ACOT8: variants seen among roughly 807,000 people sequenced by gnomAD.
ACOT8 encodes the protein acyl-coenzyme A thioesterase 8.
In ACOT8, 31 loss-of-function variants were observed where a neutral mutation model predicts 38.4. The ratio of observed to expected loss-of-function variants is 0.81; its 90% confidence interval spans 0.61 to 1.09. The LOEUF (loss-of-function observed/expected upper bound fraction) is 1.09, where lower values mean the gene tolerates loss of function less well. Ranked by LOEUF, ACOT8 falls within the 50% of genes least tolerant of loss-of-function variation. The probability of loss-of-function intolerance (pLI) is 0.00; values close to 1 mark genes in which losing one functional copy is unlikely to be tolerated. For missense variants in ACOT8, 373 were observed against 421.8 expected (o/e 0.88, Z 1.01); for synonymous variants, 158 against 170.3 (o/e 0.93, Z 0.56).
chr20:45,847,659 G>A (rs1421794911), intron 3 of ACOT8: 1 of 150,876 alleles, frequency 6.6e-6, no homozygotes, highest in Non-Finnish European at 1.5e-5. Flanking sequence ...GAGTCTGGGA[G>A]TCAGAGGCTG....
chr20:45,855,432 T>C, intron 1 of ACOT8, 140 bp from the exon 2 acceptor site: 1 of 1,221,338 alleles, frequency 8.2e-7, no homozygotes, highest in Non-Finnish European at 1.1e-6. Flanking sequence ...CCATAGGTCC[T>C]TTCCCCAGGC....
At chr20:45,846,110 G>A (rs1984669171) in intron 3 of ACOT8, among the ~76,000 whole-genome samples, 1 of 152,178 alleles carries the variant, frequency 6.6e-6, no homozygotes, top group Admixed American at 6.5e-5. Flanking sequence ...AAAGTACTGG[G>A]ATTACAGGCA....
Position 45,857,197 on chromosome 20 carries a change from T to A in ACOT8, c.119A>T (p.Asp40Val), listed in dbSNP as rs778168893. The A allele has an allele frequency of 1.2e-6, 2 of 1,613,112 alleles. No homozygotes were observed. Among genetic ancestry groups the A allele is most frequent in the Non-Finnish European group, 1.7e-6 (2 of 1,179,516 alleles). ...TVLNLEPLDE[D>V]LFRGRHYWVP... ...AGGAGCTGCCGGCTACCTGAAGAGATCCTCGTCCAGCGGCTCGAGGTTGAG... is the reference window on the plus strand; with the variant it reads ...AGGAGCTGCCGGCTACCTGAAGAGAACCTCGTCCAGCGGCTCGAGGTTGAG... The change falls in exon 1 of 6, where the codon GAT (aspartate) becomes GTT (valine). Residue 40 changes from aspartate to valine, a missense_variant. By Grantham distance (152) the Asp-to-Val change is radical. Transcript: ENST00000217455.
At chr20:45,852,346 G>T (rs1460197874) in intron 2 of ACOT8, among the ~76,000 whole-genome samples, 1 of 133,070 alleles carries the variant, frequency 7.5e-6, no homozygotes, top group African/African-American at 3.2e-5. Context: ...TTTTGTGTGT[G>T]TTTTTTTTTT....
intron 3 of ACOT8, chr20:45,847,824 TG>T (rs1013876784): frequency 1.3e-5 from 2 of 151,278 alleles, no homozygotes; most frequent in African/African-American, 4.9e-5. Context: ...TTGCCCAGGC[TG>T]GAGCACAGTA....
At chr20:45,856,255 T>A (rs761000769) in intron 1 of ACOT8, among the ~76,000 whole-genome samples, 2 of 149,044 alleles carry the variant, frequency 1.3e-5, no homozygotes, top group Non-Finnish European at 3.0e-5. Context: ...CAGGGCCAGA[T>A]CTTGTCTTCA....
At chr20:45,856,851 G>A (rs570791017) in intron 1 of ACOT8, among the ~76,000 whole-genome samples, 3 of 152,344 alleles carry the variant, frequency 2.0e-5, no homozygotes, top group African/African-American at 7.2e-5. Flanking sequence ...CTGCGGCGTC[G>A]GTTTTAAGGC....
At position 45,855,304 on chromosome 20, in the gene ACOT8, G is replaced by C. The variant is rs974464688; in HGVS notation, c.129-12C>G. The C allele has an allele frequency of 6.2e-7, 1 of 1,613,502 alleles. No homozygotes were observed. The highest frequency in any genetic ancestry group is 8.5e-7 in the Non-Finnish European group (1 of 1,179,832). On this transcript the variant is annotated splice_polypyrimidine_tract_variant and intron_variant, in intron 1 of 5. Transcript: ENST00000217455. ...AGTAATGCCTTCCTCTGTAGGGAGA[G>C]GGGGAAAGAGGGAAAGACTTGGGAA...
chr20:45,848,516 G>C lies in ACOT8; in HGVS notation c.422C>G (p.Ser141Cys). 6.2e-7 allele frequency: 1 copy of C among 1,613,856 alleles called. No individual in the cohort carries two copies. The highest frequency in any genetic ancestry group is 8.5e-7 in the Non-Finnish European group (1 of 1,179,868). Reference protein sequence around the residue: ...AQPSPMQHQFSMPTVPPPEEL... With the variant: ...AQPSPMQHQFCMPTVPPPEEL... ...TTCTGGTGGTGGCACAGTGGGCATG[G>C]AGAACTGGTGCTGCATGGGGCTGGG... Residue 141 changes from serine to cysteine, a missense_variant, in exon 3 of 6, where the codon TCC (serine) becomes TGC (cysteine). Ser to Cys is a moderately radical substitution (Grantham distance 112). Transcript: ENST00000217455.
At position 45,848,654 on chromosome 20, in the gene ACOT8, A is replaced by G. The variant is rs1568737705; in HGVS notation, c.284T>C (p.Leu95Pro). The change falls in exon 3 of 6, where the codon CTG (leucine) becomes CCG (proline). Residue 95 changes from leucine (L) to proline (P), a missense_variant. Physicochemically the swap from Leu to Pro is moderately conservative, Grantham distance 98 (BLOSUM62 -3). Transcript: ENST00000217455. The stretch of plus-strand genomic sequence containing the variant: ...TGTTCGTGTCCGCTCCACTTGGTAC[A>G]GTACTGGCAGCTTCGGGTCCCCTGC... ...VRAGDPKLPV[L>P]YQVERTRTGS... 7 of 1,609,530 alleles carry G rather than the reference A, an allele frequency of 4.3e-6. No homozygotes were observed. Among genetic ancestry groups the G allele is most frequent in the Non-Finnish European group, 5.1e-6 (6 of 1,177,420 alleles).
chr20:45,855,327 G>C (rs1032383885), intron 1 of ACOT8, 35 bp from the exon 2 acceptor site: 9 of 1,611,952 alleles, frequency 5.6e-6, no homozygotes, highest in Non-Finnish European at 6.8e-6. Context: ...AAAGACTTGG[G>C]AACTGGGCCA....
chr20:45,844,178 G>A, intron 4 of ACOT8, 85 bp downstream of exon 4: 3 of 1,569,920 alleles, frequency 1.9e-6, no homozygotes, highest in South Asian at 1.1e-5. Flanking sequence ...CCCAGAGAAG[G>A]GAACTCATGT....
intron 2 of ACOT8, among the ~76,000 whole-genome samples, chr20:45,850,423 G>A (rs998893140): frequency 6.6e-6 from 1 of 152,244 alleles, no homozygotes; most frequent in Non-Finnish European, 1.5e-5. Flanking sequence ...GGACTGGTTG[G>A]TAAAGATAGT....
At chr20:45,853,000 C>T (rs535933659) in intron 2 of ACOT8, among the ~76,000 whole-genome samples, 23 of 152,308 alleles carry the variant, frequency 1.5e-4, no homozygotes, top group Admixed American at 4.6e-4. Context: ...AACTCCTGAG[C>T]TCAGGTGATC....
rs769428204 is a variant in ACOT8, at chr20:45,848,549, T to C, written c.389A>G (p.Gln130Arg). 1.3e-5 allele frequency: 21 copies of C among 1,614,008 alleles called. No homozygotes were observed. The highest frequency in any genetic ancestry group is 3.3e-4 in the Middle Eastern group (2 of 6,084). Reference protein sequence around the residue: ...PIFICQASFQQAQPSPMQHQF... With the variant: ...PIFICQASFQRAQPSPMQHQF... ...GTGCTGCATGGGGCTGGGCTGGGCC[T>C]GCTGGAAGGAGGCCTGGCAGATGAA... The change falls in exon 3 of 6, where the codon CAG (glutamine) becomes CGG (arginine). Residue 130 changes from glutamine to arginine, a missense_variant. By Grantham distance (43) the Gln-to-Arg change is conservative. Transcript: ENST00000217455.
intron 2 of ACOT8, among the ~76,000 whole-genome samples, chr20:45,851,034 G>T (rs943677609): frequency 9.2e-5 from 14 of 152,210 alleles, no homozygotes; most frequent in Admixed American, 8.5e-4. Context: ...TCTGGGCCAT[G>T]AGACATCTTG....
At chr20:45,844,538 C>T (rs1443068221) in intron 3 of ACOT8, 118 bp from the exon 4 acceptor site, 1 of 1,219,768 alleles carries the variant, frequency 8.2e-7, no homozygotes, top group Non-Finnish European at 1.1e-6. Flanking sequence ...CCCAAAGCTC[C>T]CCTCCCCTGT....
At chr20:45,843,803 C>A (rs751325624) in intron 4 of ACOT8, 82 bp from the exon 5 acceptor site, 2 of 1,553,818 alleles carry the variant, frequency 1.3e-6, no homozygotes, top group East Asian at 4.6e-5. Context: ...AAGGGACTCC[C>A]GTGCATGGGT....
At chr20:45,848,777 G>T in intron 2 of ACOT8, 102 bp from the exon 3 acceptor site, 3 of 1,050,184 alleles carry the variant, frequency 2.9e-6, no homozygotes, top group Non-Finnish European at 4.1e-6. Flanking sequence ...TCATCTCAGT[G>T]ACTACTAACT....
Sources: allele counts gnomAD v4.1 joint callset (sites outside exome capture counted in the v4.1 genomes callset), GRCh38; gene constraint gnomAD v4.1.1; transcripts MANE v1.5; gene names NCBI Gene and HGNC (gene_info 2026-07-23, HGNC 2026-07-21).